Variants in ZCCHC7 observed in about 807,000 individuals in gnomAD.
ZCCHC7 encodes zinc finger CCHC domain-containing protein 7.
Under a neutral mutation model 52.0 loss-of-function variants are expected in ZCCHC7, and 35 were observed. The ratio of observed to expected loss-of-function variants is 0.67; its 90% confidence interval spans 0.51 to 0.89. ZCCHC7 has a LOEUF of 0.89. Ranked by LOEUF, ZCCHC7 falls within the 40% of genes least tolerant of loss-of-function variation. The pLI is 0.00. For synonymous variants in ZCCHC7, 217 were observed against 221.5 expected (o/e 0.98, Z 0.18); for missense variants, 574 against 649.1 (o/e 0.88, Z 1.26).
At chr9:37,125,686 T>G (rs1255532902) in intron 1 of ZCCHC7, among the ~76,000 whole-genome samples, 1 of 152,240 alleles carries the variant, frequency 6.6e-6, no homozygotes, top group Non-Finnish European at 1.5e-5. Flanking sequence ...TAAGTTTTGT[T>G]TTAACATTTT....
intron 2 of ZCCHC7, among the ~76,000 whole-genome samples, chr9:37,223,242 CGT>C (rs1564188811): frequency 6.6e-6 from 1 of 152,042 alleles, no homozygotes; most frequent in Non-Finnish European, 1.5e-5. Flanking sequence ...GGAAACAACC[CGT>C]GTCTATTAAA....
intron 1 of ZCCHC7, among the ~76,000 whole-genome samples, chr9:37,122,946 A>T (rs967826249): frequency 6.6e-6 from 1 of 152,268 alleles, no homozygotes; most frequent in Non-Finnish European, 1.5e-5. Context: ...CAAGGGGGAA[A>T]AAAAGAAATT....
intron 2 of ZCCHC7, among the ~76,000 whole-genome samples, chr9:37,263,575 A>G (rs1826963117): frequency 6.6e-6 from 1 of 152,192 alleles, no homozygotes; most frequent in Non-Finnish European, 1.5e-5. Flanking sequence ...TTAAAATCCT[A>G]CAGTTAAGAA....
intron 2 of ZCCHC7, among the ~76,000 whole-genome samples, chr9:37,288,173 G>C (rs2634794): frequency 6.6e-6 from 1 of 151,652 alleles, no homozygotes; most frequent in Non-Finnish European, 1.5e-5. Context: ...CCAGCTACTC[G>C]GGAGGCTGAG....
chr9:37,198,880 G>C (rs751431967), intron 2 of ZCCHC7, among the ~76,000 whole-genome samples: 1 of 152,022 alleles, frequency 6.6e-6, no homozygotes, highest in Non-Finnish European at 1.5e-5. Flanking sequence ...TACCTTTTTT[G>C]CATTGAATTA....
At chr9:37,356,743 GCTT>G in intron 8 of ZCCHC7, 89 bp from the exon 9 acceptor site, 1 of 1,190,760 alleles carries the variant, frequency 8.4e-7, no homozygotes, top group Non-Finnish European at 1.2e-6. Flanking sequence ...TAAATATCTA[GCTT>G]CCCTGTCTGT....
At chr9:37,235,280 G>A (rs534107536) in intron 2 of ZCCHC7, among the ~76,000 whole-genome samples, 4 of 152,092 alleles carry the variant, frequency 2.6e-5, no homozygotes, top group Non-Finnish European at 4.4e-5. Context: ...CCAGTCTCTG[G>A]TAACCACTAT....
intron 2 of ZCCHC7, among the ~76,000 whole-genome samples, chr9:37,140,108 T>C (rs558142291): frequency 8.1e-4 from 123 of 152,120 alleles, no homozygotes; most frequent in Non-Finnish European, 1.3e-3. Context: ...AGAGAAGATG[T>C]GCAACCACAA....
chr9:37,241,308 G>T (rs1376403945), intron 2 of ZCCHC7, among the ~76,000 whole-genome samples: 1 of 151,686 alleles, frequency 6.6e-6, no homozygotes, highest in Non-Finnish European at 1.5e-5. Flanking sequence ...AGCTATTTCT[G>T]ACTTAAACTC....
chr9:37,324,343 A>T (rs1161828424), intron 5 of ZCCHC7, among the ~76,000 whole-genome samples: 1 of 152,120 alleles, frequency 6.6e-6, no homozygotes, highest in African/African-American at 2.4e-5. Flanking sequence ...TCTCATTAAG[A>T]TTTGCCGCTA....
At chr9:37,331,029 T>C (rs1300998654) in intron 6 of ZCCHC7, among the ~76,000 whole-genome samples, 1 of 151,802 alleles carries the variant, frequency 6.6e-6, no homozygotes, top group Non-Finnish European at 1.5e-5. Flanking sequence ...GCATCTTTTA[T>C]GTTTAATTTT....
At chr9:37,272,653 TTTCTC>T (rs1324944579) in intron 2 of ZCCHC7, among the ~76,000 whole-genome samples, 5 of 152,172 alleles carry the variant, frequency 3.3e-5, no homozygotes, top group South Asian at 2.1e-4. Context: ...CTTTTTATTT[TTTCTC>T]TTCTCTTAAC....
rs986146051 is a variant in ZCCHC7, at chr9:37,354,525, A to G, written c.1084-185A>G. 2.0e-5 allele frequency among the ~76,000 whole-genome samples: 3 copies of G among 152,222 alleles called. No homozygotes were observed. Among genetic ancestry groups the G allele is most frequent in the Non-Finnish European group, 4.4e-5 (3 of 68,044 alleles). ...GAAAACTCAAGCTTGAAAGAATATC[A>G]TAACACAGTGGGGTTTAGGGCTGGG... is the stretch of plus-strand genomic sequence containing the variant. On this transcript the variant is annotated intron_variant, in intron 7 of 8. Coordinates refer to ENST00000336755, the MANE Select transcript of ZCCHC7 (RefSeq NM_032226.3). The surrounding 1 kb of genome is among the most constrained non-coding windows in gnomAD (Gnocchi z 4.0).
intron 2 of ZCCHC7, among the ~76,000 whole-genome samples, chr9:37,132,333 C>T (rs551142103): frequency 5.9e-5 from 9 of 152,278 alleles, no homozygotes; most frequent in African/African-American, 1.9e-4. Context: ...GGAGTAACTG[C>T]TAGCTCTTTC....
intron 2 of ZCCHC7, among the ~76,000 whole-genome samples, chr9:37,271,266 C>T (rs1249729071): frequency 6.6e-6 from 1 of 152,110 alleles, no homozygotes; most frequent in Non-Finnish European, 1.5e-5. Flanking sequence ...AAGACTATCT[C>T]ATGAAAATAC....
At chr9:37,154,257 A>G (rs1286837613) in intron 2 of ZCCHC7, among the ~76,000 whole-genome samples, 1 of 152,124 alleles carries the variant, frequency 6.6e-6, no homozygotes, top group African/African-American at 2.4e-5. Flanking sequence ...TATTACCTGT[A>G]ATGAAAATAA....
intron 2 of ZCCHC7, among the ~76,000 whole-genome samples, chr9:37,148,039 C>T (rs142847979): frequency 6.6e-6 from 1 of 152,036 alleles, no homozygotes; most frequent in South Asian, 2.1e-4. Context: ...TCTATACTTG[C>T]ATCTGTCAGT....
chr9:37,139,927 A>G (rs1843153316), intron 2 of ZCCHC7, among the ~76,000 whole-genome samples: 1 of 151,918 alleles, frequency 6.6e-6, no homozygotes, highest in Non-Finnish European at 1.5e-5. Flanking sequence ...CTTTTTCTAT[A>G]TTGGTAGTTA....
chr9:37,156,745 C>T (rs77764759), intron 2 of ZCCHC7, among the ~76,000 whole-genome samples: 7,716 of 152,174 alleles, frequency 0.051, 641 homozygotes, highest in African/African-American at 0.17. Context: ...CAGATAGATA[C>T]GACTTTGTCA....
Sources: gnomAD v4.1 joint callset for allele counts (sites outside exome capture counted in the v4.1 genomes callset) on GRCh38, gnomAD v4.1.1 for gene constraint, Gnocchi (gnomAD v3.1) non-coding constraint, MANE v1.5 for transcripts, NCBI Gene and HGNC (gene_info 2026-07-23, HGNC 2026-07-21) for gene names.